Variants in CFAP299 observed in about 807,000 individuals in gnomAD.
CFAP299 encodes the protein cilia and flagella associated protein 299, also known as cilia- and flagella-associated protein 299.
Under a neutral mutation model 27.0 loss-of-function variants are expected in CFAP299, and 21 were observed. The observed-to-expected ratio is 0.78, with a 90% CI of 0.55 to 1.12. The LOEUF (loss-of-function observed/expected upper bound fraction) is 1.12, where lower values mean the gene tolerates loss of function less well. CFAP299 is among the 50% of genes most tolerant of loss of function. CFAP299 has a pLI of 0.00. For missense variants in CFAP299, 310 were observed against 276.6 expected, an observed-to-expected ratio of 1.12 and a Z score of -0.86; for synonymous variants, 104 against 98.1, an observed-to-expected ratio of 1.06 and a Z score of -0.36.
At chr4:80,350,161 A>G (rs1722949994) in intron 1 of CFAP299, among the ~76,000 whole-genome samples, 1 of 152,180 alleles carries the variant, frequency 6.6e-6, no homozygotes, top group Non-Finnish European at 1.5e-5. Context: ...GGAGTCCAAA[A>G]TGAACAAAGG....
intron 3 of CFAP299, among the ~76,000 whole-genome samples, chr4:80,590,664 G>A (rs1468356044): frequency 6.6e-6 from 1 of 151,912 alleles, no homozygotes; most frequent in Non-Finnish European, 1.5e-5. Context: ...CCATGCACAC[G>A]GCATCCTTAA....
At chr4:80,844,871 A>G (rs1230335271) in intron 3 of CFAP299, among the ~76,000 whole-genome samples, 4 of 151,960 alleles carry the variant, frequency 2.6e-5, no homozygotes, top group Non-Finnish European at 1.5e-5. Flanking sequence ...TTTCTTCCAG[A>G]GTTTTTATGG....
At chr4:80,770,916 G>A (rs542526197) in intron 3 of CFAP299, among the ~76,000 whole-genome samples, 4 of 152,250 alleles carry the variant, frequency 2.6e-5, no homozygotes, top group East Asian at 1.9e-4. Flanking sequence ...CTTTCTGACC[G>A]CAAGCATTCC....
rs535948684 is a variant in CFAP299 at position 80,386,511 on chromosome 4, G to GT, written c.242+23628dup. ...GGCTGCCCTCTTCTCGCGGGCGGTG[G>GT]TGGGGGGGGGGGGTGCCGCCGGGTT... On this transcript the variant is annotated intron_variant, in intron 2 of 5. Transcript: ENST00000358105. The GT allele has an allele frequency of 6.2e-4, 882 of 1,411,906 alleles. 1 individual carries two copies. In the African/African-American group the frequency reaches 0.019, roughly 31 times the overall value. 87.5% of individuals were successfully genotyped at this position (1,411,906 alleles called of 1,614,324 possible).
intron 3 of CFAP299, among the ~76,000 whole-genome samples, chr4:80,723,071 A>T (rs11734844): frequency 0.15 from 23,422 of 152,120 alleles, 2,211 homozygotes; most frequent in African/African-American, 0.26. Flanking sequence ...TCTATTAAAA[A>T]GTCTAAAATA....
At chr4:80,914,090 T>G (rs1035253917) in intron 4 of CFAP299, among the ~76,000 whole-genome samples, 13 of 152,210 alleles carry the variant, frequency 8.5e-5, no homozygotes, top group African/African-American at 2.9e-4. Context: ...GTTCATTCAT[T>G]CACCAGTCTA....
intron 3 of CFAP299, among the ~76,000 whole-genome samples, chr4:80,777,091 C>T (rs1463288317): frequency 6.6e-6 from 1 of 151,970 alleles, no homozygotes; most frequent in Non-Finnish European, 1.5e-5. Flanking sequence ...AAGGATGGCT[C>T]CCCAGATTGC....
At chr4:80,551,227 A>C (rs1734497019) in intron 2 of CFAP299, among the ~76,000 whole-genome samples, 2 of 152,232 alleles carry the variant, frequency 1.3e-5, no homozygotes, top group Admixed American at 1.3e-4. Context: ...TTAAACAATA[A>C]AATATGCCAT....
intron 2 of CFAP299, among the ~76,000 whole-genome samples, chr4:80,544,300 G>A (rs1385658133): frequency 6.6e-6 from 1 of 152,126 alleles, no homozygotes; most frequent in East Asian, 1.9e-4. Flanking sequence ...GTTCAATCAA[G>A]TCTACATAAC....
Position 80,944,912 on chromosome 4 carries a change from C to A in CFAP299, c.579C>A (p.Asp193Glu). ...GCTTACTTTTCAGATACAAAAGAGACAGAAAAATTCTTAATGTGGACCCAA... is the reference window on the plus strand; with the variant it reads ...GCTTACTTTTCAGATACAAAAGAGAAAGAAAAATTCTTAATGTGGACCCAA... ...PEGLLFRYKR[D>E]RKILNVDPKA... Residue 193 changes from aspartate (D) to glutamate (E), a missense_variant, in exon 5 of 6, where the codon GAC becomes GAA. Physicochemically the swap from Asp to Glu is conservative, Grantham distance 45. Transcript: ENST00000358105. The A allele has an allele frequency of 6.2e-7, 1 of 1,612,562 alleles. No homozygotes were observed.
At chr4:80,577,396 CA>C (rs1735922806) in intron 2 of CFAP299, among the ~76,000 whole-genome samples, 1 of 85,486 alleles carries the variant, frequency 1.2e-5, no homozygotes, top group African/African-American at 4.1e-5. Context: ...TATTAGAAAA[CA>C]TTTTTTTTTT....
chr4:80,451,585 T>C (rs1317734324), intron 2 of CFAP299, among the ~76,000 whole-genome samples: 1 of 152,216 alleles, frequency 6.6e-6, no homozygotes, highest in African/African-American at 2.4e-5. Flanking sequence ...TATGGTATTA[T>C]CTACTGAAAA....
intron 3 of CFAP299, among the ~76,000 whole-genome samples, chr4:80,664,912 G>A (rs568554588): frequency 3.3e-5 from 5 of 152,298 alleles, no homozygotes; most frequent in South Asian, 2.1e-4. Flanking sequence ...TGGGAAAAGC[G>A]TAGTTTCTGG....
intron 2 of CFAP299, among the ~76,000 whole-genome samples, chr4:80,538,138 C>T (rs1025307813): frequency 1.3e-5 from 2 of 152,002 alleles, no homozygotes; most frequent in African/African-American, 4.8e-5. Context: ...TGCAGCATTA[C>T]TCAGGTGTCT....
chr4:80,697,382 T>A (rs1001609375), intron 3 of CFAP299, among the ~76,000 whole-genome samples: 2 of 152,190 alleles, frequency 1.3e-5, no homozygotes, highest in South Asian at 2.1e-4. Context: ...GTTTGTACAA[T>A]CATTGTTTTG....
chr4:80,492,570 A>G (rs1731193051), intron 2 of CFAP299, among the ~76,000 whole-genome samples: 1 of 152,224 alleles, frequency 6.6e-6, no homozygotes. Flanking sequence ...GAGAAATGCA[A>G]CTTGGTATAG....
chr4:80,628,677 G>A (rs532921547), intron 3 of CFAP299, among the ~76,000 whole-genome samples: 2 of 152,096 alleles, frequency 1.3e-5, no homozygotes, highest in Non-Finnish European at 2.9e-5. Context: ...CCATGAAACT[G>A]AACAGACATT....
chr4:80,743,603 G>A (rs1408896909), intron 3 of CFAP299, among the ~76,000 whole-genome samples: 1 of 152,140 alleles, frequency 6.6e-6, no homozygotes, highest in Non-Finnish European at 1.5e-5. Context: ...CCATTCAGCT[G>A]TTCAGTGGTA....
chr4:80,330,535 T>C, the CFAP299 span, among the ~76,000 whole-genome samples: 3 of 152,158 alleles, frequency 2.0e-5, no homozygotes, highest in Non-Finnish European at 4.4e-5. Context: ...TGAGACTCAG[T>C]CACATGGACA....
Sources: gnomAD v4.1 joint callset for allele counts (sites outside exome capture counted in the v4.1 genomes callset) on GRCh38, gnomAD v4.1.1 for gene constraint, MANE v1.5 for transcripts, NCBI Gene and HGNC (gene_info 2026-07-23, HGNC 2026-07-21) for gene names.